Variants in MRPL3 observed in about 807,000 individuals in gnomAD.
MRPL3 encodes large ribosomal subunit protein uL3m.
Under a neutral mutation model 44.3 loss-of-function variants are expected in MRPL3, and 43 were observed. The ratio of observed to expected loss-of-function variants is 0.97; its 90% CI spans 0.76 to 1.25. The LOEUF is 1.25. Ranked by LOEUF, MRPL3 falls within the 50% of genes most tolerant of loss-of-function variation. The pLI is 0.00. For synonymous variants in MRPL3, 171 were observed against 152.3 expected (o/e 1.12, Z -0.91); for missense variants, 406 against 427.6 (o/e 0.95, Z 0.45).
chr3:131,470,778 CT>C (rs1933724460), intron 7 of MRPL3, among the ~76,000 whole-genome samples: 1 of 152,080 alleles, frequency 6.6e-6, no homozygotes, highest in Non-Finnish European at 1.5e-5. Context: ...CTTTAACGCC[CT>C]TTTCCAACAG....
intron 6 of MRPL3, among the ~76,000 whole-genome samples, chr3:131,474,622 C>T (rs2110698739): frequency 6.6e-6 from 1 of 152,156 alleles, no homozygotes; most frequent in East Asian, 1.9e-4. Context: ...ATACAATATA[C>T]ACACATATTA....
chr3:131,468,021 A>G, intron 9 of MRPL3, 70 bp downstream of exon 9: 1 of 779,708 alleles, frequency 1.3e-6, no homozygotes, highest in Non-Finnish European at 2.0e-6. Context: ...AAATAAAGAT[A>G]GTAATTTGTT....
intron 6 of MRPL3, among the ~76,000 whole-genome samples, chr3:131,472,298 A>G (rs901751588): frequency 6.6e-6 from 1 of 152,132 alleles, no homozygotes; most frequent in Non-Finnish European, 1.5e-5. Flanking sequence ...GAGAGTAACA[A>G]TTTCTTACTA....
intron 7 of MRPL3, 47 bp downstream of exon 7, chr3:131,471,124 G>A (rs368149442): frequency 2.3e-6 from 3 of 1,321,076 alleles, no homozygotes; most frequent in African/African-American, 2.9e-5. Flanking sequence ...TACATGTGCA[G>A]AAGTTGAATA....
chr3:131,473,954 T>C (rs748467213), intron 6 of MRPL3, among the ~76,000 whole-genome samples: 5 of 152,122 alleles, frequency 3.3e-5, no homozygotes, highest in Admixed American at 1.3e-4. Flanking sequence ...ACACTGTTAG[T>C]GGGGATATAA....
At chr3:131,469,601 GAAC>G in intron 8 of MRPL3, 92 bp downstream of exon 8, 1 of 829,456 alleles carries the variant, frequency 1.2e-6, no homozygotes, top group Non-Finnish European at 1.9e-6. Flanking sequence ...AAGCCTCTTA[GAAC>G]AATGGTACAG....
At chr3:131,501,488 C>T in intron 2 of MRPL3, 43 bp downstream of exon 2, 3 of 1,471,120 alleles carry the variant, frequency 2.0e-6, no homozygotes, top group East Asian at 2.3e-5. Flanking sequence ...TCCAGCCACA[C>T]AGTAATTAGG....
At position 131,487,668 on chromosome 3, in the gene MRPL3, A is replaced by G. The variant is rs966195046; in HGVS notation, c.629+12T>C. 2.5e-6 allele frequency: 4 copies of G among 1,604,910 alleles called. No homozygotes were observed. In the South Asian group the frequency reaches 3.3e-5, roughly 13 times the overall value. ...AAACAAAAGGAAAAGAGAACTCGCT[A>G]TGAGGACCTACGTTTTGGCTGTGAC... On this transcript the variant is annotated intron_variant, in intron 6 of 9. Coordinates refer to ENST00000264995, the MANE Select transcript of MRPL3 (RefSeq NM_007208.4).
Position 131,469,764 on chromosome 3 carries a change from T to C in MRPL3, c.748A>G (p.Arg250Gly). The C allele has an allele frequency of 6.2e-7, 1 of 1,611,162 alleles. No homozygotes were observed. The change falls in exon 8 of 10, where the codon AGA (arginine) becomes GGA (glycine). Residue 250 changes from arginine to glycine, a missense_variant. By Grantham distance (125) the Arg-to-Gly change is moderately radical. Coordinates refer to ENST00000264995, the MANE Select transcript of MRPL3 (RefSeq NM_007208.4). ...GGCATTTTAGTTCCAGGCCAGACTC[T>C]GCCAATATCCTAAATGAGAAAACTA... ...PGAVATGDIG[R>G]VWPGTKMPGK...
At chr3:131,472,264 G>T (rs1022577332) in intron 6 of MRPL3, among the ~76,000 whole-genome samples, 3 of 152,092 alleles carry the variant, frequency 2.0e-5, no homozygotes, top group Non-Finnish European at 1.5e-5. Flanking sequence ...GGGTTGAGAA[G>T]AAACAAATGG....
intron 5 of MRPL3, among the ~76,000 whole-genome samples, chr3:131,488,197 T>A (rs1251413700): frequency 6.6e-6 from 1 of 152,302 alleles, no homozygotes; most frequent in South Asian, 2.1e-4. Flanking sequence ...TCATGGTATG[T>A]ATGACATCTA....
At chr3:131,470,278 G>C (rs1160765398) in intron 7 of MRPL3, among the ~76,000 whole-genome samples, 2 of 152,086 alleles carry the variant, frequency 1.3e-5, no homozygotes, top group African/African-American at 4.8e-5. Context: ...TCTAGCCCTG[G>C]TTTTCTCTGA....
At chr3:131,483,731 T>C (rs1231153759) in intron 6 of MRPL3, among the ~76,000 whole-genome samples, 2 of 152,220 alleles carry the variant, frequency 1.3e-5, no homozygotes, top group Non-Finnish European at 2.9e-5. Flanking sequence ...TTTAAAAAAC[T>C]GTCTGCAGAC....
In MRPL3 at chr3:131,490,064, A is replaced by G; in HGVS notation, c.485T>C (p.Leu162Ser). 1 of 1,608,042 alleles carries G rather than the reference A, an allele frequency of 6.2e-7. No homozygotes were observed. The highest frequency in any genetic ancestry group is 8.5e-7 in the Non-Finnish European group (1 of 1,174,770). The change falls in exon 5 of 10, where the codon TTG (leucine) becomes TCG (serine). Residue 162 changes from leucine to serine, a missense_variant. Leu to Ser is a moderately radical substitution (Grantham distance 145). Coordinates refer to ENST00000264995, the MANE Select transcript of MRPL3 (RefSeq NM_007208.4). ...CAATCCAAGTTCCCGGTAAAATTCC[A>G]ATATGGATGTAGCTTTCTAGAGGAA... ...VSRFRKATSILEFYRELGLPP... is the reference protein window; with the variant it reads ...VSRFRKATSISEFYRELGLPP...
chr3:131,474,458 G>C (rs1225361592), intron 6 of MRPL3, among the ~76,000 whole-genome samples: 2 of 152,078 alleles, frequency 1.3e-5, no homozygotes, highest in Admixed American at 1.3e-4. Flanking sequence ...GAAGGAATAA[G>C]TTCTGGTGTT....
intron 5 of MRPL3, among the ~76,000 whole-genome samples, 171 bp downstream of exon 5, chr3:131,489,810 A>C (rs1582715452): frequency 6.6e-6 from 1 of 151,710 alleles, no homozygotes; most frequent in East Asian, 1.9e-4. Flanking sequence ...AGAGTTATCT[A>C]CAGGTTTTTC....
chr3:131,464,432 A>C (rs1035248724), intron 9 of MRPL3, among the ~76,000 whole-genome samples: 1 of 152,126 alleles, frequency 6.6e-6, no homozygotes, highest in African/African-American at 2.4e-5. Context: ...TCTGCAGCCC[A>C]TATGTATTTT....
intron 2 of MRPL3, among the ~76,000 whole-genome samples, 192 bp downstream of exon 2, chr3:131,501,339 T>C (rs1458320981): frequency 6.6e-6 from 1 of 152,188 alleles, no homozygotes; most frequent in Non-Finnish European, 1.5e-5. Context: ...GTCTTTATTA[T>C]CATCAGACAT....
Position 131,473,263 on chromosome 3 carries a change from C to T in MRPL3, c.630-1984G>A, listed in dbSNP as rs73203907. Among the ~76,000 whole-genome samples, 681 of 152,080 alleles carry T rather than the reference C, an allele frequency of 4.5e-3. 6 individuals are homozygous for T. The highest frequency in any genetic ancestry group is 0.01 in the African/African-American group (425 of 41,480). Reference sequence around the variant, plus strand: ...AGAGAGCCCAGAAATTCACACATCACGGGCAATTGATTTTTGACAAAGGTG... The same window carrying T: ...AGAGAGCCCAGAAATTCACACATCATGGGCAATTGATTTTTGACAAAGGTG... On this transcript the variant is annotated intron_variant, in intron 6 of 9. Transcript: ENST00000264995.
Sources: allele counts gnomAD v4.1 joint callset (sites outside exome capture counted in the v4.1 genomes callset), GRCh38; gene constraint gnomAD v4.1.1; transcripts MANE v1.5; gene names NCBI Gene and HGNC (gene_info 2026-07-23, HGNC 2026-07-21).